Variants in EPHB4 observed in about 807,000 individuals in gnomAD.
EPHB4 encodes ephrin type-B receptor 4.
Under a neutral mutation model 110.6 loss-of-function variants are expected in EPHB4, and 50 were observed. That is an observed-to-expected ratio of 0.45 (90% confidence interval 0.36 to 0.57). The LOEUF (loss-of-function observed/expected upper bound fraction) is 0.57. EPHB4 is among the 20% of genes least tolerant of loss of function. EPHB4 has a pLI of 0.00. For synonymous variants in EPHB4, 592 were observed against 578.4 expected (o/e 1.02, Z -0.34); for missense variants, 1,128 against 1,382.1 (o/e 0.82, Z 2.91).
At chr7:100,806,112 A>G in intron 14 of EPHB4, 1 of 246,702 alleles carries the variant, frequency 4.1e-6, no homozygotes, top group Admixed American at 5.4e-5. Context: ...GCACCCGCCC[A>G]TCATGCTGGG....
rs2304374 is a variant in EPHB4, at chr7:100,826,965, G to T, written c.52+14C>A. On this transcript the variant is annotated intron_variant, in intron 1 of 16. Coordinates refer to ENST00000358173, the MANE Select transcript of EPHB4 (RefSeq NM_004444.5). ...GGAGTGACGGGGTGCGCCCCCCCCC[G>T]CAAGGAAACTCACCTTCCAAAGCTG... is the stretch of plus-strand genomic sequence containing the variant. 2.1e-5 allele frequency: 26 copies of T among 1,213,438 alleles called. 1 individual carries two copies. In the East Asian group the frequency reaches 4.8e-4, roughly 22 times the overall value. 75.2% of individuals were successfully genotyped at this position (1,213,438 alleles called of 1,614,324 possible).
rs1813143600 is a variant in EPHB4 at position 100,818,643 on chromosome 7, T to C, written c.1299A>G (p.Val433=). The change falls in exon 7 of 17, where the codon GTA becomes GTG. Residue 433 remains valine (V), a splice_region_variant and synonymous_variant. Coordinates refer to ENST00000358173, the MANE Select transcript of EPHB4 (RefSeq NM_004444.5). ...CCCGGATGTCAGACACTGCAGGAGG[T>C]ACTGTGAGAGGCAGAGACACAGGGA... ...EPVNVTTDRE[V]PPAVSDIRVT... is the part of the protein sequence containing the mutation. 1 of 1,608,198 alleles carries C rather than the reference T, an allele frequency of 6.2e-7. No individual in the cohort carries two copies. Among genetic ancestry groups the C allele is most frequent in the African/African-American group, 1.3e-5 (1 of 74,864 alleles).
At chr7:100,823,445 C>A (rs115339305) in intron 3 of EPHB4, among the ~76,000 whole-genome samples, 199 bp downstream of exon 3, 135 of 152,186 alleles carry the variant, frequency 8.9e-4, no homozygotes, top group African/African-American at 3.0e-3. Context: ...CCCTGGGGGC[C>A]GGGCCAGGCA....
chr7:100,805,658 G>A lies in EPHB4; in HGVS notation c.2521C>T (p.Pro841Ser). ...NAIEQDYRLPPPPDCPTSLHQ... is the reference protein window; with the variant it reads ...NAIEQDYRLPSPPDCPTSLHQ... ...AGGGAGGTGGGACAGTCTGGGGGCGGGGGCAGCCGGTAGTCCTGTTCAATG... is the reference window on the plus strand; with the variant it reads ...AGGGAGGTGGGACAGTCTGGGGGCGAGGGCAGCCGGTAGTCCTGTTCAATG... The change falls in exon 15 of 17, where the codon CCG becomes TCG. Residue 841 changes from proline to serine, a missense_variant. By Grantham distance (74) the Pro-to-Ser change is moderately conservative. Coordinates refer to ENST00000358173, the MANE Select transcript of EPHB4 (RefSeq NM_004444.5). 6.5e-7 allele frequency: 1 copy of A among 1,536,402 alleles called. No individual in the cohort carries two copies. The highest frequency in any genetic ancestry group is 8.7e-7 in the Non-Finnish European group (1 of 1,143,966).
rs755896040 is a variant in EPHB4, at chr7:100,820,301, G to A, written c.809-5C>T. ...TGAAGGTGCCCTGGGCACAGGCTGA[G>A]AGAGAGAAAGCATTCATCAAAAGCA... On this transcript the variant is annotated splice_region_variant and splice_polypyrimidine_tract_variant and intron_variant, in intron 4 of 16. Transcript: ENST00000358173. The A allele has an allele frequency of 1.8e-5, 29 of 1,613,194 alleles. No homozygotes were observed. The highest frequency in any genetic ancestry group is 1.7e-5 in the Non-Finnish European group (20 of 1,179,836).
rs574096278 is a variant in EPHB4 at position 100,819,471 on chromosome 7, A to G, written c.1297+86T>C. The G allele has an allele frequency of 4.1e-6, 6 of 1,454,120 alleles. No individual in the cohort carries two copies. The African/African-American group carries it at 8.5e-5, about 21-fold the overall frequency. The allele number at this position is 1,454,120 out of a possible 1,614,324, so 90.1% of individuals were successfully genotyped here. On this transcript the variant is annotated intron_variant, in intron 6 of 16. Coordinates refer to ENST00000358173, the MANE Select transcript of EPHB4 (RefSeq NM_004444.5). Reference sequence around the variant, plus strand: ...GCCCCTCACACTTCCGGGGTACCCAACTTCACAGCCCCTGCCTCTCCCCTT... The same window carrying G: ...GCCCCTCACACTTCCGGGGTACCCAGCTTCACAGCCCCTGCCTCTCCCCTT...
In EPHB4 at chr7:100,817,317, G is replaced by T; in HGVS notation, c.1463C>A (p.Ser488Ter). Residue 488 changes from serine to a stop codon, truncating the protein, a stop_gained, in exon 8 of 17, where the codon TCA becomes TAA. Coordinates refer to ENST00000358173, the MANE Select transcript of EPHB4 (RefSeq NM_004444.5). LOFTEE classifies it high-confidence loss of function. ...CCCCCGCAGCTCTGCCCGGTTTTCTGACGTCTTCAGGAACCGCACGCTGCT... is the reference window on the plus strand; with the variant it reads ...CCCCCGCAGCTCTGCCCGGTTTTCTTACGTCTTCAGGAACCGCACGCTGCT... ...GPSSVRFLKTSENRAELRGLK... is the reference protein window; with the variant it reads ...GPSSVRFLKT 1 of 1,589,356 alleles carries T rather than the reference G, an allele frequency of 6.3e-7. No individual in the cohort carries two copies. Among genetic ancestry groups the T allele is most frequent in the Non-Finnish European group, 8.6e-7 (1 of 1,168,902 alleles).
Position 100,822,465 on chromosome 7 carries a change from G to C in EPHB4, c.614C>G (p.Thr205Ser). Residue 205 changes from threonine (T) to serine (S), a missense_variant, in exon 4 of 17, where the codon ACT (threonine) becomes AGT (serine). By Grantham distance (58) the Thr-to-Ser change is moderately conservative (BLOSUM62 1). This residue lies in a region of EPHB4 where 728 missense variants were observed against 828.6 expected (regional missense o/e 0.88). Coordinates refer to ENST00000358173, the MANE Select transcript of EPHB4 (RefSeq NM_004444.5). The surrounding 1 kb of genome is among the most constrained non-coding windows in gnomAD (Gnocchi z 4.7). ...KKCAQLTVNL[T>S]RFPETVPREL... ...CCGAGGCACAGTCTCCGGGAATCGA[G>C]TCAGGTTCACAGTCAGCTGGGCGCA... 3 of 1,609,238 alleles carry C rather than the reference G, an allele frequency of 1.9e-6. No individual in the cohort carries two copies. Among genetic ancestry groups the C allele is most frequent in the Non-Finnish European group, 2.5e-6 (3 of 1,176,614 alleles).
At chr7:100,814,049 A>C in intron 8 of EPHB4, 28 bp from the exon 9 acceptor site, 1 of 1,611,558 alleles carries the variant, frequency 6.2e-7, no homozygotes, top group East Asian at 2.2e-5. Flanking sequence ...GCTGATCAGG[A>C]GAAACTGATG....
chr7:100,817,390 C>T, intron 7 of EPHB4, 33 bp from the exon 8 acceptor site: 2 of 1,514,930 alleles, frequency 1.3e-6, no homozygotes, highest in African/African-American at 1.4e-5. Context: ...TGGCCGTCAC[C>T]CGGGAACCCA....
intron 16 of EPHB4, among the ~76,000 whole-genome samples, chr7:100,804,285 G>A (rs1812763924): frequency 6.7e-6 from 1 of 149,828 alleles, no homozygotes; most frequent in Non-Finnish European, 1.5e-5. Context: ...ACAGGCGTGA[G>A]CCACCACCTG....
Position 100,806,509 on chromosome 7 carries a change from AAGTG to A in EPHB4, c.2391_2394del (p.Thr798ProfsTer11). 6.2e-7 allele frequency: 1 copy of A among 1,614,108 alleles called. No individual in the cohort carries two copies. The stretch of plus-strand genomic sequence containing the variant: ...CCGTAACTCCAGGCATCACTGGCGG[AAGTG>A]AACTTCCGGAAGGCAATGGCCTCCG... On this transcript the variant is annotated frameshift_variant, in exon 14 of 17. Transcript: ENST00000358173. LOFTEE classifies it high-confidence loss of function.
At chr7:100,813,816 TA>T in intron 9 of EPHB4, 100 bp from the exon 10 acceptor site, 5 of 1,604,696 alleles carry the variant, frequency 3.1e-6, no homozygotes, top group Non-Finnish European at 4.3e-6. Flanking sequence ...AGATTTCAAG[TA>T]AAAAGAGGCT....
intron 8 of EPHB4, among the ~76,000 whole-genome samples, chr7:100,814,382 A>T (rs1237354672): frequency 6.6e-6 from 1 of 152,162 alleles, no homozygotes; most frequent in African/African-American, 2.4e-5. Flanking sequence ...GGGTTCTGCG[A>T]TTCTCCTGCC....
chr7:100,814,525 A>G (rs1378147252), intron 8 of EPHB4, among the ~76,000 whole-genome samples: 1 of 152,194 alleles, frequency 6.6e-6, no homozygotes, highest in Admixed American at 6.5e-5. Flanking sequence ...CCCAGCCGCC[A>G]GAGTGGTTTT....
At position 100,806,504 on chromosome 7, in the gene EPHB4, G is replaced by A; in HGVS notation, c.2400C>T (p.Ala800=). 6.2e-7 allele frequency: 1 copy of A among 1,614,098 alleles called. No homozygotes were observed. Among genetic ancestry groups the A allele is most frequent in the Non-Finnish European group, 8.5e-7 (1 of 1,180,014 alleles). Residue 800 remains alanine (A), a synonymous_variant, in exon 14 of 17, where the codon GCC becomes GCT. Coordinates refer to ENST00000358173, the MANE Select transcript of EPHB4 (RefSeq NM_004444.5). The part of the protein sequence containing the change: ...EAIAFRKFTS[A]SDAWSYGIVM... Reference sequence around the variant, plus strand: ...CAATCCCGTAACTCCAGGCATCACTGGCGGAAGTGAACTTCCGGAAGGCAA... The same window carrying A: ...CAATCCCGTAACTCCAGGCATCACTAGCGGAAGTGAACTTCCGGAAGGCAA...
intron 3 of EPHB4, 59 bp downstream of exon 3, chr7:100,823,585 G>A (rs1420286766): frequency 2.5e-5 from 40 of 1,574,372 alleles, no homozygotes; most frequent in African/African-American, 9.4e-5. Context: ...TCCAGGCCAC[G>A]GGCCTGCTGG....
chr7:100,815,951 G>C (rs1193843435), intron 8 of EPHB4, among the ~76,000 whole-genome samples: 1 of 152,110 alleles, frequency 6.6e-6, no homozygotes, highest in African/African-American at 2.4e-5. Context: ...TGGTGCCACC[G>C]CACTCCAGCC....
chr7:100,804,255 C>T (rs1180801891), intron 16 of EPHB4, among the ~76,000 whole-genome samples: 4 of 151,570 alleles, frequency 2.6e-5, no homozygotes, highest in African/African-American at 9.7e-5. Flanking sequence ...TCCACCTGAG[C>T]CTCCCAAAGT....
Sources: gnomAD v4.1 joint callset for allele counts (sites outside exome capture counted in the v4.1 genomes callset) on GRCh38, gnomAD v4.1.1 for gene constraint, gnomAD v4.1.1 regional missense constraint, Gnocchi (gnomAD v3.1) non-coding constraint, MANE v1.5 for transcripts, NCBI Gene and HGNC (gene_info 2026-07-23, HGNC 2026-07-21) for gene names.